The following STPG2 variants were observed in gnomAD, a reference collection of about 807,000 sequenced individuals.
The protein encoded by STPG2 is sperm tail PG-rich repeat containing 2.
A neutral mutation model predicts 54.2 loss-of-function variants in STPG2; 56 were observed. The observed-to-expected ratio is 1.03, with a 90% CI of 0.83 to 1.29. The LOEUF (loss-of-function observed/expected upper bound fraction) is 1.29, where lower values mean the gene tolerates loss of function less well. STPG2 is among the 50% of genes most tolerant of loss of function. The pLI, the probability that STPG2 is intolerant of heterozygous loss-of-function variation, is 0.00. For missense variants in STPG2, 596 were observed against 544.9 expected, an observed-to-expected ratio of 1.09 and a Z score of -0.93; for synonymous variants, 200 against 181.8, an observed-to-expected ratio of 1.10 and a Z score of -0.81.
At chr4:98,045,545 T>A (rs1737097580) in intron 5 of STPG2, among the ~76,000 whole-genome samples, 1 of 152,106 alleles carries the variant, frequency 6.6e-6, no homozygotes, top group Admixed American at 6.6e-5. Flanking sequence ...GGTGATAAAC[T>A]CCCTTGGCTT....
intron 10 of STPG2, among the ~76,000 whole-genome samples, chr4:97,639,722 G>C (rs1014731204): frequency 5.5e-4 from 84 of 151,790 alleles, no homozygotes; most frequent in African/African-American, 2.0e-3. Context: ...CTGTGACAGC[G>C]AATTTGGGAA....
At chr4:97,644,432 AC>A (rs2148948000) in intron 10 of STPG2, among the ~76,000 whole-genome samples, 1 of 152,136 alleles carries the variant, frequency 6.6e-6, no homozygotes, top group East Asian at 1.9e-4. Flanking sequence ...ACAAATAAGA[AC>A]CTTAAAAGCA....
intron 4 of STPG2, among the ~76,000 whole-genome samples, chr4:97,521,046 CAT>C (rs1463858950): frequency 2.0e-5 from 3 of 152,078 alleles, no homozygotes; most frequent in Admixed American, 2.0e-4. Context: ...AAATGTTCCA[CAT>C]GTGATGTTAT....
At chr4:97,713,466 C>T (rs1225510102) in intron 9 of STPG2, among the ~76,000 whole-genome samples, 2 of 152,154 alleles carry the variant, frequency 1.3e-5, no homozygotes, top group Non-Finnish European at 2.9e-5. Context: ...TCTCTAAAAA[C>T]TTTTGAGAAC....
At chr4:97,732,844 C>T (rs1266160541) in intron 9 of STPG2, among the ~76,000 whole-genome samples, 1 of 151,828 alleles carries the variant, frequency 6.6e-6, no homozygotes, top group African/African-American at 2.4e-5. Flanking sequence ...ATGCTAAAAC[C>T]ACTAATCATC....
At chr4:98,032,624 A>G (rs1357738265) in intron 5 of STPG2, among the ~76,000 whole-genome samples, 1 of 152,144 alleles carries the variant, frequency 6.6e-6, no homozygotes, top group Non-Finnish European at 1.5e-5. Flanking sequence ...CTCCACCCCA[A>G]ATCAACAGAA....
At chr4:97,847,195 T>G (rs1391591124) in intron 8 of STPG2, among the ~76,000 whole-genome samples, 5 of 152,132 alleles carry the variant, frequency 3.3e-5, no homozygotes, top group Admixed American at 2.6e-4. Flanking sequence ...ATTACTTAAA[T>G]TTGGTTCTAT....
intron 5 of STPG2, among the ~76,000 whole-genome samples, chr4:98,066,606 A>C (rs1201020924): frequency 6.6e-6 from 1 of 152,104 alleles, no homozygotes; most frequent in African/African-American, 2.4e-5. Context: ...AAATAAAATA[A>C]AAAAAGAGCT....
chr4:97,567,930 G>A (rs983131009), intron 10 of STPG2, among the ~76,000 whole-genome samples: 1 of 152,162 alleles, frequency 6.6e-6, no homozygotes, highest in African/African-American at 2.4e-5. Flanking sequence ...TACCTACAAA[G>A]AGTAGGAGCC....
chr4:97,535,833 C>T (rs1375643740), intron 4 of STPG2, among the ~76,000 whole-genome samples: 3 of 152,244 alleles, frequency 2.0e-5, no homozygotes, highest in Non-Finnish European at 4.4e-5. Flanking sequence ...TCCCCCACTG[C>T]TTTTCCATCT....
intron 1 of STPG2, among the ~76,000 whole-genome samples, chr4:98,137,606 T>C (rs1183420104): frequency 6.6e-6 from 1 of 151,780 alleles, no homozygotes; most frequent in African/African-American, 2.4e-5. Context: ...GAGATAAATA[T>C]GAAAACTAAG....
intron 10 of STPG2, among the ~76,000 whole-genome samples, chr4:97,577,816 G>A (rs1395632937): frequency 6.6e-6 from 1 of 151,856 alleles, no homozygotes; most frequent in East Asian, 1.9e-4. Context: ...TAATTATAAA[G>A]TACTTAACTA....
At chr4:97,603,488 G>A (rs533309205) in intron 10 of STPG2, among the ~76,000 whole-genome samples, 10 of 151,636 alleles carry the variant, frequency 6.6e-5, no homozygotes, top group Admixed American at 4.6e-4. Flanking sequence ...ATTGAAAGCA[G>A]GGTCTCAAAA....
intron 10 of STPG2, among the ~76,000 whole-genome samples, chr4:97,695,572 T>C (rs757905720): frequency 2.0e-5 from 3 of 152,158 alleles, no homozygotes; most frequent in African/African-American, 4.8e-5. Context: ...TGTTCGCTGA[T>C]GATATGACAG....
chr4:97,789,685 C>A (rs973093906), intron 9 of STPG2, among the ~76,000 whole-genome samples: 1 of 152,098 alleles, frequency 6.6e-6, no homozygotes, highest in African/African-American at 2.4e-5. Flanking sequence ...TTAAGACTGA[C>A]TGAATGAAAA....
intron 9 of STPG2, among the ~76,000 whole-genome samples, chr4:97,750,366 T>G (rs997775056): frequency 6.6e-6 from 1 of 151,802 alleles, no homozygotes; most frequent in Non-Finnish European, 1.5e-5. Flanking sequence ...AGAAAACTCA[T>G]CTCTTCATTT....
chr4:98,093,007 T>A (rs2110128109), intron 5 of STPG2, among the ~76,000 whole-genome samples: 1 of 152,268 alleles, frequency 6.6e-6, no homozygotes, highest in East Asian at 1.9e-4. Context: ...ATAAATAAGG[T>A]GTTATGTCAA....
At chr4:98,134,604 T>C (rs1055558919) in intron 1 of STPG2, 145 bp from the exon 2 acceptor site, 15 of 348,880 alleles carry the variant, frequency 4.3e-5, no homozygotes, top group African/African-American at 2.3e-4. Context: ...AGTTATTACA[T>C]TTTTTAAAAT....
chr4:97,925,193 A>C (rs753373654), intron 8 of STPG2, among the ~76,000 whole-genome samples: 2 of 152,234 alleles, frequency 1.3e-5, no homozygotes, highest in Non-Finnish European at 1.5e-5. Context: ...TTCACAATCT[A>C]TATAACCAGA....
Sources: allele counts gnomAD v4.1 joint callset (sites outside exome capture counted in the v4.1 genomes callset), GRCh38; gene constraint gnomAD v4.1.1; transcripts MANE v1.5; gene names NCBI Gene and HGNC (gene_info 2026-07-23, HGNC 2026-07-21).